Variants in STK39 observed in about 807,000 individuals in gnomAD.
STK39 encodes STE20/SPS1-related proline-alanine-rich protein kinase.
STK39 carries 20 observed loss-of-function variants against 77.8 expected under a neutral mutation model. The ratio of observed to expected loss-of-function variants is 0.26; its 90% CI spans 0.18 to 0.37. STK39 has a LOEUF of 0.37. Ranked by LOEUF, STK39 falls within the 10% of genes least tolerant of loss-of-function variation. The probability of loss-of-function intolerance (pLI) is 1.00; values close to 1 mark genes in which losing one functional copy is unlikely to be tolerated. For synonymous variants in STK39, 246 were observed against 234.1 expected (o/e 1.05, Z -0.47); for missense variants, 479 against 656.5 (o/e 0.73, Z 2.95).
intron 1 of STK39, among the ~76,000 whole-genome samples, chr2:168,244,843 G>A (rs1690858742): frequency 6.6e-6 from 1 of 152,162 alleles, no homozygotes. Flanking sequence ...AGAATAAGCA[G>A]GTGTTTTTGT....
intron 16 of STK39, among the ~76,000 whole-genome samples, chr2:167,965,713 T>G (rs1010415430): frequency 2.6e-5 from 4 of 152,206 alleles, no homozygotes; most frequent in African/African-American, 9.7e-5. Context: ...TGAGTAAAAT[T>G]ATCTGCTGCT....
chr2:168,207,931 G>C (rs1218220276), intron 1 of STK39, among the ~76,000 whole-genome samples: 1 of 152,140 alleles, frequency 6.6e-6, no homozygotes, highest in East Asian at 1.9e-4. Flanking sequence ...GAGTAAACTG[G>C]AAGAATAGCT....
intron 16 of STK39, among the ~76,000 whole-genome samples, chr2:167,975,078 A>G (rs1683239745): frequency 6.6e-6 from 1 of 152,208 alleles, no homozygotes; most frequent in African/African-American, 2.4e-5. Context: ...TAATATGTCT[A>G]ATGTTAATTA....
intron 12 of STK39, among the ~76,000 whole-genome samples, chr2:168,065,751 C>G (rs1262787872): frequency 6.6e-6 from 1 of 152,124 alleles, no homozygotes; most frequent in Non-Finnish European, 1.5e-5. Context: ...TTTCTTATTG[C>G]ATAATTTCAT....
At chr2:168,041,610 G>C (rs4667550) in intron 14 of STK39, among the ~76,000 whole-genome samples, 88,472 of 151,976 alleles carry the variant, frequency 0.58, 25,988 homozygotes, top group East Asian at 0.65. Flanking sequence ...CATCTGATCT[G>C]TAAACCTAAG....
chr2:168,001,531 T>A (rs1034030255), intron 16 of STK39, among the ~76,000 whole-genome samples: 4 of 150,544 alleles, frequency 2.7e-5, no homozygotes, highest in South Asian at 2.1e-4. Flanking sequence ...AAAAAAAAAA[T>A]GATAACCTAA....
intron 14 of STK39, among the ~76,000 whole-genome samples, chr2:168,062,499 G>A (rs1044386064): frequency 2.6e-5 from 4 of 152,164 alleles, no homozygotes; most frequent in African/African-American, 9.7e-5. Context: ...TTACTGTGAG[G>A]TTCCTTTGAC....
At chr2:168,118,602 CAAAAAAAAAAA>C (rs35533319) in intron 10 of STK39, among the ~76,000 whole-genome samples, 1 of 119,348 alleles carries the variant, frequency 8.4e-6, no homozygotes, top group African/African-American at 3.1e-5. Flanking sequence ...CATATGCTTT[CAAAAAAAAAAA>C]AAAAAAAAAA....
chr2:168,163,811 G>A lies in STK39; in HGVS notation c.500C>T (p.Ala167Val). ...CTCTTTAAGAATTGTTGCTATTATT[G>A]CCTCTTCCAGAACTCCATTCTTGTG... is the stretch of plus-strand genomic sequence containing the variant. ...GEHKNGVLEE[A>V]IIATILKEVL... The change falls in exon 4 of 18, where the codon GCA (alanine) becomes GTA (valine). Residue 167 changes from alanine to valine, a missense_variant. Ala to Val is a moderately conservative substitution (Grantham distance 64, BLOSUM62 0). This residue lies in a region of STK39 where 139 missense variants were observed against 280.6 expected (regional missense o/e 0.50). Coordinates refer to ENST00000355999, the MANE Select transcript of STK39 (RefSeq NM_013233.3). The A allele has an allele frequency of 6.2e-7, 1 of 1,613,874 alleles. No homozygotes were observed. The highest frequency in any genetic ancestry group is 8.5e-7 in the Non-Finnish European group (1 of 1,179,930).
At chr2:167,959,755 G>C (rs1331405853) in intron 17 of STK39, among the ~76,000 whole-genome samples, 1 of 152,110 alleles carries the variant, frequency 6.6e-6, no homozygotes, top group African/African-American at 2.4e-5. Flanking sequence ...AGTGAAATTG[G>C]CTTTGCTTTT....
chr2:168,138,874 A>G (rs1370589771), intron 7 of STK39, among the ~76,000 whole-genome samples: 1 of 152,216 alleles, frequency 6.6e-6, no homozygotes, highest in Non-Finnish European at 1.5e-5. Context: ...ACAACTTTAA[A>G]TCAAAACGGT....
chr2:168,235,942 T>C (rs543476375), intron 1 of STK39, among the ~76,000 whole-genome samples: 4,844 of 152,086 alleles, frequency 0.032, 400 homozygotes, highest in East Asian at 0.22. Flanking sequence ...TATAGCAGAA[T>C]GATTTATAAT....
chr2:167,965,241 A>G (rs1023886209), intron 16 of STK39, among the ~76,000 whole-genome samples: 7 of 152,244 alleles, frequency 4.6e-5, no homozygotes, highest in Admixed American at 3.9e-4. Context: ...AGGCAACAAA[A>G]TACAGTGGAT....
At chr2:168,030,254 A>T (rs531557378) in intron 14 of STK39, among the ~76,000 whole-genome samples, 1 of 152,130 alleles carries the variant, frequency 6.6e-6, no homozygotes, top group South Asian at 2.1e-4. Context: ...TAATAATAAT[A>T]ATCTCCCAAT....
At chr2:168,231,500 A>G (rs2105261292) in intron 1 of STK39, among the ~76,000 whole-genome samples, 1 of 151,960 alleles carries the variant, frequency 6.6e-6, no homozygotes, top group South Asian at 2.1e-4. Flanking sequence ...CCACACACCG[A>G]AGGTTCCTCA....
chr2:167,967,095 C>G (rs1406147278), intron 16 of STK39, among the ~76,000 whole-genome samples: 7 of 152,178 alleles, frequency 4.6e-5, no homozygotes, highest in South Asian at 2.1e-4. Flanking sequence ...GCTGCCTGAG[C>G]CTGTGCTGAG....
At chr2:168,240,594 G>T (rs1004498434) in intron 1 of STK39, among the ~76,000 whole-genome samples, 1 of 152,252 alleles carries the variant, frequency 6.6e-6, no homozygotes, top group African/African-American at 2.4e-5. Flanking sequence ...AGGATGGCCA[G>T]CAGGTTTTGC....
rs537976969 is a variant in STK39, at chr2:168,003,156, T to G, written c.1498+9478A>C. Among the ~76,000 whole-genome samples, 22 of 152,206 alleles carry G rather than the reference T, an allele frequency of 1.4e-4. 1 individual carries two copies. Among genetic ancestry groups the G allele is most frequent in the African/African-American group, 5.3e-4 (22 of 41,536 alleles). On this transcript the variant is annotated intron_variant, in intron 16 of 17. Transcript: ENST00000355999. ...ACACCACCAGCTAATTTTTGTATTT[T>G]TAGTAGTGATGGGGTTTCACCATGT...
At chr2:168,219,988 T>C (rs963943184) in intron 1 of STK39, among the ~76,000 whole-genome samples, 6 of 152,034 alleles carry the variant, frequency 3.9e-5, no homozygotes, top group Non-Finnish European at 1.5e-5. Flanking sequence ...TGCTATGAGG[T>C]ACTGTCCAAG....
Sources: allele counts gnomAD v4.1 joint callset (sites outside exome capture counted in the v4.1 genomes callset), GRCh38; gene constraint gnomAD v4.1.1; regional missense constraint gnomAD v4.1.1; transcripts MANE v1.5; gene names NCBI Gene and HGNC (gene_info 2026-07-23, HGNC 2026-07-21).